IFT140: variants seen among roughly 807,000 people sequenced by gnomAD.
IFT140 encodes intraflagellar transport protein 140 homolog.
IFT140 carries 133 observed loss-of-function variants against 164.6 expected under a neutral mutation model. The observed-to-expected ratio is 0.81, with a 90% CI of 0.70 to 0.93. The LOEUF is 0.93. IFT140 is among the 40% of genes least tolerant of loss of function. IFT140 has a pLI of 0.00. For missense variants in IFT140, 2,045 were observed against 1,972.3 expected, an observed-to-expected ratio of 1.04 and a Z score of -0.70; for synonymous variants, 860 against 817.3, an observed-to-expected ratio of 1.05 and a Z score of -0.89.
chr16:1,572,356 T>C (rs1386278159), intron 13 of IFT140, among the ~76,000 whole-genome samples: 1 of 152,210 alleles, frequency 6.6e-6, no homozygotes, highest in African/African-American at 2.4e-5. Flanking sequence ...TTAGAAAGCA[T>C]GCCCCACAGG....
At chr16:1,527,166 G>A (rs2040730768) in intron 19 of IFT140, 1 of 243,666 alleles carries the variant, frequency 4.1e-6, no homozygotes, top group Non-Finnish European at 7.9e-6. Flanking sequence ...AAAGCCTCCT[G>A]CTCTCACCTG....
intron 3 of IFT140, among the ~76,000 whole-genome samples, chr16:1,604,253 C>T (rs945358204): frequency 7.2e-6 from 1 of 138,886 alleles, no homozygotes; most frequent in African/African-American, 2.9e-5. Flanking sequence ...CGCTGACCAG[C>T]GCTGCATCGC....
intron 19 of IFT140, among the ~76,000 whole-genome samples, chr16:1,544,433 C>G (rs1349976612): frequency 6.6e-6 from 1 of 151,800 alleles, no homozygotes; most frequent in Non-Finnish European, 1.5e-5. Flanking sequence ...GATCCGCCCA[C>G]CTTGGCCTCC....
intron 19 of IFT140, among the ~76,000 whole-genome samples, chr16:1,529,446 C>T (rs996773805): frequency 6.6e-6 from 1 of 152,218 alleles, no homozygotes; most frequent in East Asian, 1.9e-4. Flanking sequence ...GACGCTCAGT[C>T]GGCGCTGCGG....
At position 1,612,023 on chromosome 16, in the gene IFT140, C is replaced by T. The variant is rs2142156086; in HGVS notation, c.-277G>A. ...ACTCAGGTTCGCGCCCGATTCCACA[C>T]TCCGAGCTACCACGCCGTTTTCTTC... On this transcript the variant is annotated 5_prime_UTR_variant, in exon 1 of 31. In the 5' UTR this introduces an upstream ATG that the reference lacks. Transcript: ENST00000426508. The T allele has an allele frequency of 6.6e-6, 1 of 152,404 alleles. No individual in the cohort carries two copies. Among genetic ancestry groups the T allele is most frequent in the Middle Eastern group, 3.4e-3 (1 of 296 alleles). The allele number at this position is 152,404 out of a possible 1,614,324, so 9.4% of individuals were successfully genotyped here.
intron 21 of IFT140, 133 bp downstream of exon 21, chr16:1,525,754 A>T: frequency 1.1e-6 from 1 of 942,754 alleles, no homozygotes; most frequent in Non-Finnish European, 1.5e-6. Context: ...CCTGCCGAGA[A>T]GGCTGCCACC....
chr16:1,594,832 G>A (rs1159840996), intron 4 of IFT140, among the ~76,000 whole-genome samples: 1 of 152,238 alleles, frequency 6.6e-6, no homozygotes, highest in Admixed American at 6.5e-5. Flanking sequence ...GCACTCCCCA[G>A]GGGACGCTTC....
chr16:1,600,519 T>C (rs1476866808), intron 4 of IFT140, among the ~76,000 whole-genome samples: 1 of 150,824 alleles, frequency 6.6e-6, no homozygotes, highest in Non-Finnish European at 1.5e-5. Flanking sequence ...GGTTACTCAC[T>C]GCACCATTGT....
intron 9 of IFT140, 100 bp downstream of exon 9, chr16:1,587,098 T>C (rs2141849959): frequency 1.3e-6 from 1 of 780,310 alleles, no homozygotes; most frequent in Admixed American, 1.9e-5. Context: ...AAGTTACCAT[T>C]GTGTGAGTAG....
Position 1,564,769 on chromosome 16 carries a change from G to A in IFT140, c.1902-607C>T, listed in dbSNP as rs756847522. On this transcript the variant is annotated intron_variant, in intron 16 of 30. Coordinates refer to ENST00000426508, the MANE Select transcript of IFT140 (RefSeq NM_014714.4). This position sits in a 1 kb window ranked among gnomAD's most constrained non-coding sequence, Gnocchi z 5.5. ...TCATTCGCCGCCCCCAGGGTGTCACGAACCCAGGCTGCAGAGTGGGACCCT... is the reference window on the plus strand; with the variant it reads ...TCATTCGCCGCCCCCAGGGTGTCACAAACCCAGGCTGCAGAGTGGGACCCT... 1.1e-4 allele frequency among the ~76,000 whole-genome samples: 17 copies of A among 152,154 alleles called. No homozygotes were observed. Among genetic ancestry groups the A allele is most frequent in the Admixed American group, 2.0e-4 (3 of 15,276 alleles).
At chr16:1,522,588 C>A (rs1004403707) in intron 26 of IFT140, among the ~76,000 whole-genome samples, 1 of 152,014 alleles carries the variant, frequency 6.6e-6, no homozygotes, top group Admixed American at 6.5e-5. Flanking sequence ...CGCCTGTAAT[C>A]CCAGCAATTT....
intron 7 of IFT140, among the ~76,000 whole-genome samples, chr16:1,588,268 G>A (rs1041195626): frequency 1.2e-4 from 18 of 152,176 alleles, no homozygotes; most frequent in Non-Finnish European, 2.4e-4. Context: ...GCTCATGCCT[G>A]TAATCCCAGC....
rs373477879 is a variant in IFT140 at position 1,524,600 on chromosome 16, G to A, written c.3093C>T (p.His1031=). The part of the protein sequence containing the change: ...ESQEEVGQAV[H]FYTRAQAFKN... Reference sequence around the variant, plus strand: ...TGAAGGCCTGTGCCCGGGTGTAGAAGTGCACCGCCTGCCCGACCTCCTCCT... The same window carrying A: ...TGAAGGCCTGTGCCCGGGTGTAGAAATGCACCGCCTGCCCGACCTCCTCCT... Residue 1031 remains histidine (H), a synonymous_variant, in exon 24 of 31, where the codon CAC becomes CAT. Transcript: ENST00000426508. The A allele has an allele frequency of 3.7e-6, 6 of 1,607,392 alleles. No individual in the cohort carries two copies. Among genetic ancestry groups the A allele is most frequent in the East Asian group, 2.2e-5 (1 of 44,682 alleles).
At chr16:1,570,856 A>G (rs1336597182) in intron 14 of IFT140, among the ~76,000 whole-genome samples, 1 of 152,130 alleles carries the variant, frequency 6.6e-6, no homozygotes, top group African/African-American at 2.4e-5. Context: ...CCGAGGCTCA[A>G]GCAATCCTCC....
In IFT140 at chr16:1,525,736, A is replaced by C. The variant is rs75940267; in HGVS notation, c.2768+151T>G. On this transcript the variant is annotated intron_variant, in intron 21 of 30. Transcript: ENST00000426508. ...GCAACCCCACATCTCCGAGACTCCC[A>C]GAAGCTTCCTGCCGAGAAGGCTGCC... The C allele has an allele frequency of 2.3e-4, 191 of 827,180 alleles. No homozygotes were observed. In the East Asian group the frequency reaches 5.2e-3, roughly 23 times the overall value. The allele number at this position is 827,180 out of a possible 1,614,324, so 51.2% of individuals were successfully genotyped here. A position where few individuals can be genotyped will look rare whatever the true frequency, so the allele number is the denominator to read the frequency against.
chr16:1,539,066 C>T (rs1253321261), intron 19 of IFT140, among the ~76,000 whole-genome samples: 1 of 151,794 alleles, frequency 6.6e-6, no homozygotes, highest in Non-Finnish European at 1.5e-5. Flanking sequence ...CGCCTCAGGC[C>T]TCAGCAAGCT....
At chr16:1,606,691 C>T (rs1468360220) in intron 3 of IFT140, among the ~76,000 whole-genome samples, 1 of 152,144 alleles carries the variant, frequency 6.6e-6, no homozygotes, top group Non-Finnish European at 1.5e-5. Context: ...AACCCCTAAC[C>T]TCAAGTGATC....
At chr16:1,570,300 T>C (rs746873806) in intron 14 of IFT140, among the ~76,000 whole-genome samples, 9 of 152,300 alleles carry the variant, frequency 5.9e-5, no homozygotes, top group South Asian at 2.1e-4. Context: ...AACGGGTACA[T>C]TGATACAGAC....
intron 29 of IFT140, among the ~76,000 whole-genome samples, chr16:1,518,582 A>G (rs1014438732): frequency 1.4e-4 from 21 of 151,980 alleles, no homozygotes; most frequent in African/African-American, 5.1e-4. Flanking sequence ...GCTTGGACTG[A>G]AGACCAAAGA....
Sources: gnomAD v4.1 joint callset for allele counts (sites outside exome capture counted in the v4.1 genomes callset) on GRCh38, gnomAD v4.1.1 for gene constraint, Gnocchi (gnomAD v3.1) non-coding constraint, MANE v1.5 for transcripts, NCBI Gene and HGNC (gene_info 2026-07-23, HGNC 2026-07-21) for gene names.